Variants in DLG2 observed in about 807,000 individuals in gnomAD.
DLG2 encodes discs large MAGUK scaffold protein 2.
A neutral mutation model predicts 132.5 loss-of-function variants in DLG2; 45 were observed. That is an observed-to-expected ratio of 0.34 (90% CI 0.27 to 0.44). The LOEUF is 0.44. Ranked by LOEUF, DLG2 falls within the 20% of genes least tolerant of loss-of-function variation. DLG2 has a pLI of 1.00. For synonymous variants in DLG2, 424 were observed against 419.6 expected, an observed-to-expected ratio of 1.01 and a Z score of -0.13; for missense variants, 1,045 against 1,196.9, an observed-to-expected ratio of 0.87 and a Z score of 1.87.
chr11:84,434,762 G>C (rs543016432), intron 7 of DLG2, among the ~76,000 whole-genome samples: 1 of 151,996 alleles, frequency 6.6e-6, no homozygotes, highest in Non-Finnish European at 1.5e-5. Context: ...TGAGTGTTTA[G>C]GATGGCATTT....
intron 7 of DLG2, among the ~76,000 whole-genome samples, chr11:84,400,616 C>T (rs906008902): frequency 6.6e-6 from 1 of 152,174 alleles, no homozygotes; most frequent in African/African-American, 2.4e-5. Context: ...ATCACAATTG[C>T]TTTATCACCA....
At chr11:84,680,422 C>A (rs966217445) in intron 6 of DLG2, among the ~76,000 whole-genome samples, 2 of 152,140 alleles carry the variant, frequency 1.3e-5, no homozygotes, top group African/African-American at 2.4e-5. Flanking sequence ...CACCCTGCCT[C>A]CTCACTTCCT....
chr11:85,314,306 C>T (rs2080503139), intron 3 of DLG2, among the ~76,000 whole-genome samples: 1 of 151,798 alleles, frequency 6.6e-6, no homozygotes, highest in African/African-American at 2.4e-5. Flanking sequence ...AAGCTCACTC[C>T]TAATAAAATA....
At chr11:83,809,364 T>G (rs1364465908) in intron 17 of DLG2, among the ~76,000 whole-genome samples, 1 of 152,194 alleles carries the variant, frequency 6.6e-6, no homozygotes, top group Non-Finnish European at 1.5e-5. Context: ...TTATACATAA[T>G]GCTCTGTGAC....
intron 7 of DLG2, among the ~76,000 whole-genome samples, chr11:84,413,609 T>C (rs993312181): frequency 2.0e-5 from 3 of 152,180 alleles, no homozygotes; most frequent in Non-Finnish European, 4.4e-5. Context: ...ACCTACCTGT[T>C]CCCAGACTGC....
intron 7 of DLG2, among the ~76,000 whole-genome samples, chr11:84,465,974 G>C (rs1234829725): frequency 6.6e-6 from 1 of 151,130 alleles, no homozygotes; most frequent in Non-Finnish European, 1.5e-5. Flanking sequence ...AAAATAATTT[G>C]ATGTTGCCAT....
chr11:84,814,731 C>T (rs187729606), intron 6 of DLG2, among the ~76,000 whole-genome samples: 62 of 152,234 alleles, frequency 4.1e-4, no homozygotes, highest in Non-Finnish European at 7.4e-4. Context: ...GCCAACTTCA[C>T]TCATTCATTA....
intron 7 of DLG2, among the ~76,000 whole-genome samples, chr11:84,500,814 T>G (rs1053887431): frequency 7.2e-5 from 11 of 152,210 alleles, no homozygotes; most frequent in Non-Finnish European, 1.3e-4. Context: ...AATATTGAGA[T>G]CATGTCTCAT....
chr11:84,101,684 T>C (rs1566502254), intron 9 of DLG2, among the ~76,000 whole-genome samples: 1 of 151,778 alleles, frequency 6.6e-6, no homozygotes, highest in African/African-American at 2.4e-5. Context: ...GAAGAAAAAA[T>C]GGGAGGATGA....
intron 18 of DLG2, among the ~76,000 whole-genome samples, chr11:83,765,707 G>C (rs1246113778): frequency 2.6e-5 from 4 of 152,324 alleles, no homozygotes; most frequent in African/African-American, 7.2e-5. Flanking sequence ...CTATGAGAGT[G>C]AGAGCTGTGT....
At position 84,534,585 on chromosome 11, in the gene DLG2, A is replaced by G. The variant is rs1390214017; in HGVS notation, c.504T>C (p.His168=). 2 of 1,613,980 alleles carry G rather than the reference A, an allele frequency of 1.2e-6. No individual in the cohort carries two copies. The highest frequency in any genetic ancestry group is 8.5e-7 in the Non-Finnish European group (1 of 1,179,902). The stretch of plus-strand genomic sequence containing the variant: ...TATAACTGACCTTCAGAGGAGAAAT[A>G]TGAGACTGCAAGACATATCCATGGA... ...ENVHGYVLQS[H]ISPLKASPAP... The change falls in exon 7 of 28, where the codon CAT becomes CAC. Residue 168 remains histidine, a synonymous_variant. Transcript: ENST00000376104.
At chr11:85,419,135 C>A (rs1218689180) in intron 3 of DLG2, among the ~76,000 whole-genome samples, 1 of 152,194 alleles carries the variant, frequency 6.6e-6, no homozygotes, top group African/African-American at 2.4e-5. Context: ...CAAAATCTCT[C>A]AGCATTTGCA....
chr11:83,800,291 A>G (rs556969600), intron 17 of DLG2, among the ~76,000 whole-genome samples: 4 of 152,298 alleles, frequency 2.6e-5, no homozygotes, highest in African/African-American at 9.6e-5. Flanking sequence ...CTCATACTAA[A>G]TCACAGAGGT....
intron 6 of DLG2, among the ~76,000 whole-genome samples, chr11:85,019,689 A>G (rs1468690954): frequency 2.6e-5 from 4 of 152,062 alleles, no homozygotes; most frequent in African/African-American, 4.8e-5. Flanking sequence ...TCATTGTTCA[A>G]TTCCCACCTA....
At chr11:85,591,660 T>C (rs753554039) in intron 3 of DLG2, among the ~76,000 whole-genome samples, 38 of 152,234 alleles carry the variant, frequency 2.5e-4, no homozygotes, top group Admixed American at 9.1e-4. Context: ...GAAGAATCCC[T>C]TGAATGGGAG....
chr11:85,224,592 T>C (rs944657450), intron 4 of DLG2, among the ~76,000 whole-genome samples: 3 of 152,184 alleles, frequency 2.0e-5, no homozygotes, highest in Non-Finnish European at 4.4e-5. Flanking sequence ...AAGTGTGACA[T>C]GAAAGCTTTC....
intron 7 of DLG2, among the ~76,000 whole-genome samples, chr11:84,333,308 A>G (rs1414184148): frequency 1.3e-5 from 2 of 152,222 alleles, no homozygotes; most frequent in East Asian, 3.8e-4. Context: ...AACAAGTAAA[A>G]ATACAACTGC....
intron 18 of DLG2, among the ~76,000 whole-genome samples, chr11:83,683,264 A>G (rs2079140161): frequency 6.6e-6 from 1 of 152,198 alleles, no homozygotes; most frequent in African/African-American, 2.4e-5. Context: ...TATTGACTCA[A>G]TCTTCAAAAT....
intron 17 of DLG2, among the ~76,000 whole-genome samples, chr11:83,795,866 A>G (rs1208109664): frequency 6.6e-6 from 1 of 152,202 alleles, no homozygotes; most frequent in Non-Finnish European, 1.5e-5. Context: ...ACACATTCTT[A>G]TACCCTTGTC....
Sources: allele counts gnomAD v4.1 joint callset (sites outside exome capture counted in the v4.1 genomes callset), GRCh38; gene constraint gnomAD v4.1.1; transcripts MANE v1.5; gene names NCBI Gene and HGNC (gene_info 2026-07-23, HGNC 2026-07-21).